NCOA2: variants seen among roughly 807,000 people sequenced by gnomAD.
NCOA2 encodes class E basic helix-loop-helix protein 75.
In NCOA2, 21 loss-of-function variants were observed where a neutral mutation model predicts 145.1. The observed-to-expected ratio is 0.14, with a 90% CI of 0.10 to 0.21. NCOA2 has a LOEUF of 0.21. Ranked by LOEUF, NCOA2 falls within the 10% of genes least tolerant of loss-of-function variation. NCOA2 has a pLI of 1.00. For synonymous variants in NCOA2, 619 were observed against 637.5 expected (o/e 0.97, Z 0.44); for missense variants, 1,472 against 1,837.6 (o/e 0.80, Z 3.64).
intron 2 of NCOA2, among the ~76,000 whole-genome samples, chr8:70,269,431 G>A (rs962502989): frequency 7.9e-5 from 12 of 151,866 alleles, no homozygotes; most frequent in Non-Finnish European, 1.8e-4. Context: ...AGACCAGCCT[G>A]GGCAACACGG....
At chr8:70,364,228 G>A (rs1810467935) in intron 1 of NCOA2, among the ~76,000 whole-genome samples, 1 of 151,406 alleles carries the variant, frequency 6.6e-6, no homozygotes, top group African/African-American at 2.4e-5. Context: ...TAAAACTTTT[G>A]AGTTTTACAT....
At chr8:70,232,912 T>C (rs957082052) in intron 2 of NCOA2, among the ~76,000 whole-genome samples, 4 of 121,880 alleles carry the variant, frequency 3.3e-5, no homozygotes, top group South Asian at 2.5e-4. Context: ...TATACATATA[T>C]ATATATTTCA....
intron 2 of NCOA2, among the ~76,000 whole-genome samples, chr8:70,296,243 A>C (rs1827084404): frequency 6.6e-6 from 1 of 152,202 alleles, no homozygotes; most frequent in South Asian, 2.1e-4. Flanking sequence ...TGTGATACGG[A>C]GTGCTTGAGA....
chr8:70,331,717 G>A (rs943883292), intron 1 of NCOA2, among the ~76,000 whole-genome samples: 4 of 152,000 alleles, frequency 2.6e-5, no homozygotes, highest in African/African-American at 9.7e-5. Flanking sequence ...CATTTAAGCT[G>A]TATCTTTAAA....
intron 9 of NCOA2, among the ~76,000 whole-genome samples, chr8:70,160,864 A>AT (rs1286453416): frequency 6.6e-6 from 1 of 152,242 alleles, no homozygotes; most frequent in African/African-American, 2.4e-5. Flanking sequence ...CTGAAAATGA[A>AT]TTACTGAACA....
At chr8:70,430,691 A>G in the NCOA2 span, among the ~76,000 whole-genome samples, 2 of 152,200 alleles carry the variant, frequency 1.3e-5, no homozygotes, top group South Asian at 2.1e-4. Flanking sequence ...ATTAAAAAAA[A>G]TGGTTGCTTC....
intron 2 of NCOA2, among the ~76,000 whole-genome samples, chr8:70,223,792 G>T (rs1586162304): frequency 6.6e-6 from 1 of 152,314 alleles, no homozygotes; most frequent in Middle Eastern, 3.4e-3. Flanking sequence ...TGGAGCTCAT[G>T]AATCCAAACA....
chr8:70,335,178 C>T (rs185020671), intron 1 of NCOA2, among the ~76,000 whole-genome samples: 8 of 140,206 alleles, frequency 5.7e-5, no homozygotes, highest in African/African-American at 2.1e-4. Flanking sequence ...ACCATTTTCT[C>T]AGTCACCCTA....
chr8:70,394,805 G>C (rs1813510421), intron 1 of NCOA2, among the ~76,000 whole-genome samples: 1 of 152,126 alleles, frequency 6.6e-6, no homozygotes, highest in Non-Finnish European at 1.5e-5. Context: ...AAAAGCTAAG[G>C]AATGTAATAC....
At chr8:70,358,099 C>T (rs1809895683) in intron 1 of NCOA2, among the ~76,000 whole-genome samples, 1 of 151,968 alleles carries the variant, frequency 6.6e-6, no homozygotes, top group South Asian at 2.1e-4. Flanking sequence ...CAAAACACTC[C>T]TAAAGGAATT....
In NCOA2 at chr8:70,128,808, G is replaced by A; in HGVS notation, c.3497C>T (p.Ala1166Val). The A allele has an allele frequency of 6.2e-7, 1 of 1,614,052 alleles. No individual in the cohort carries two copies. Among genetic ancestry groups the A allele is most frequent in the Non-Finnish European group, 8.5e-7 (1 of 1,179,902 alleles). ...FHTMGQRPSY[A>V]TLRMQPRPGL... ...CGGTCTGGGCTGCATACGGAGTGTG[G>A]CATAACTAGGCCGCTGTCCCATGGT... is the stretch of plus-strand genomic sequence containing the variant. Residue 1166 changes from alanine (A) to valine (V), a missense_variant, in exon 17 of 23, where the codon GCC becomes GTC. Transcript: ENST00000452400.
intron 8 of NCOA2, among the ~76,000 whole-genome samples, chr8:70,163,071 C>A (rs1320788996): frequency 1.3e-5 from 2 of 151,976 alleles, no homozygotes; most frequent in African/African-American, 4.8e-5. Context: ...TGTACCACCA[C>A]ATTTGGCTAA....
chr8:70,138,390 C>A, intron 14 of NCOA2, 58 bp from the exon 15 acceptor site: 1 of 1,477,904 alleles, frequency 6.8e-7, no homozygotes, highest in Non-Finnish European at 9.1e-7. Flanking sequence ...TTTATTTCTG[C>A]TATGTAATAT....
chr8:70,354,551 T>A (rs1292659129), intron 1 of NCOA2, among the ~76,000 whole-genome samples: 1 of 152,186 alleles, frequency 6.6e-6, no homozygotes, highest in East Asian at 1.9e-4. Flanking sequence ...CTGAAACTCA[T>A]ACAAAAATTT....
chr8:70,143,175 C>G (rs555613619), intron 13 of NCOA2, among the ~76,000 whole-genome samples: 8 of 152,262 alleles, frequency 5.3e-5, no homozygotes, highest in Non-Finnish European at 8.8e-5. Flanking sequence ...GTCTCGAACT[C>G]CTGACCTTGT....
intron 1 of NCOA2, among the ~76,000 whole-genome samples, chr8:70,321,885 T>C (rs1452578491): frequency 2.0e-5 from 3 of 147,142 alleles, no homozygotes; most frequent in Non-Finnish European, 4.5e-5. Flanking sequence ...TCCCAGCACT[T>C]TGGGAGGCCC....
the NCOA2 span, among the ~76,000 whole-genome samples, chr8:70,437,545 A>G: frequency 6.6e-6 from 1 of 152,270 alleles, no homozygotes; most frequent in Non-Finnish European, 1.5e-5. Flanking sequence ...ATGTTCAGAC[A>G]CAATGATGAC....
At chr8:70,171,530 T>G (rs1393913682) in intron 5 of NCOA2, among the ~76,000 whole-genome samples, 1 of 152,234 alleles carries the variant, frequency 6.6e-6, no homozygotes, top group Non-Finnish European at 1.5e-5. Context: ...ATTTTTCTCT[T>G]TTTGACCCTT....
chr8:70,226,773 A>G (rs1031884786), intron 2 of NCOA2, among the ~76,000 whole-genome samples: 8 of 151,844 alleles, frequency 5.3e-5, no homozygotes, highest in African/African-American at 9.7e-5. Flanking sequence ...AGTCATTAGC[A>G]TATCATATGT....
Sources: gnomAD v4.1 joint callset for allele counts (sites outside exome capture counted in the v4.1 genomes callset) on GRCh38, gnomAD v4.1.1 for gene constraint, MANE v1.5 for transcripts, NCBI Gene and HGNC (gene_info 2026-07-23, HGNC 2026-07-21) for gene names.